TRAF4: variants seen among roughly 807,000 people sequenced by gnomAD.
TRAF4 encodes the protein TNF receptor associated factor 4.
In TRAF4, 9 loss-of-function variants were observed where a neutral mutation model predicts 47.3. That is an observed-to-expected ratio of 0.19 (90% CI 0.11 to 0.33). The LOEUF is 0.33. Among genes scored for constraint, TRAF4 ranks in the 10% least tolerant of loss-of-function variants. TRAF4 has a pLI of 1.00. For synonymous variants in TRAF4, 236 were observed against 236.9 expected (o/e 1.00, Z 0.04); for missense variants, 448 against 620.3 (o/e 0.72, Z 2.95).
Position 28,748,488 on chromosome 17 carries a change from CCTCT to C in TRAF4, c.625-20_625-17del. Reference sequence around the variant, plus strand: ...CAGGTAGTCAGGATATTGACTCCTGCCTCTCTACTTCTGTGGCCCCAGAGCCACC... The same window carrying C: ...CAGGTAGTCAGGATATTGACTCCTGCCTACTTCTGTGGCCCCAGAGCCACC... On this transcript the variant is annotated intron_variant, in intron 5 of 6. Coordinates refer to ENST00000262395, the MANE Select transcript of TRAF4 (RefSeq NM_004295.4). 3 of 1,610,554 alleles carry C rather than the reference CCTCT, an allele frequency of 1.9e-6. No homozygotes were observed. The highest frequency in any genetic ancestry group is 1.1e-5 in the South Asian group (1 of 90,862).
At chr17:28,744,340 G>A (rs1052079966) in intron 1 of TRAF4, 85 bp downstream of exon 1, 3 of 1,446,874 alleles carry the variant, frequency 2.1e-6, no homozygotes, top group African/African-American at 1.5e-5. Context: ...GGGGCAAGGC[G>A]GGCCTTTGTC....
chr17:28,744,778 A>G (rs2151736254), intron 1 of TRAF4: 1 of 156,726 alleles, frequency 6.4e-6, no homozygotes, highest in East Asian at 1.9e-4. Context: ...CTAGGATTTA[A>G]ACCCGGACTG....
rs768751050 is a variant in TRAF4 at position 28,748,019 on chromosome 17, C to A, written c.303C>A (p.Gly101=). 1 of 1,614,176 alleles carries A rather than the reference C, an allele frequency of 6.2e-7. No individual in the cohort carries two copies. The highest frequency in any genetic ancestry group is 1.1e-5 in the South Asian group (1 of 91,090). Residue 101 remains glycine (G), a splice_region_variant and synonymous_variant, in exon 4 of 7, where the codon GGC becomes GGA. Transcript: ENST00000262395. ...ACTAATTGCAGCCTTCCCACCAGGG[C>A]CACCTGAATACCTGCAGCTTCAATG... ...RWSGPLRHLQ[G]HLNTCSFNVI... is the part of the protein sequence containing the mutation.
At position 28,748,397 on chromosome 17, in the gene TRAF4, A is replaced by G. The variant is rs1455456106; in HGVS notation, c.598A>G (p.Lys200Glu). ...KRTQPCTYCT[K>E]EFVFDTIQSH... ...CACTCAGCCCTGCACCTACTGCACT[A>G]AGGAGTTCGTCTTTGACACCATCCA... The change falls in exon 5 of 7, where the codon AAG becomes GAG. Residue 200 changes from lysine (K) to glutamate (E), a missense_variant. Transcript: ENST00000262395. 1 of 1,609,118 alleles carries G rather than the reference A, an allele frequency of 6.2e-7. No homozygotes were observed. Among genetic ancestry groups the G allele is most frequent in the African/African-American group, 1.3e-5 (1 of 74,816 alleles).
rs1298392819 is a variant in TRAF4 at position 28,748,080 on chromosome 17, A to G, written c.364A>G (p.Ser122Gly). 6.2e-7 allele frequency: 1 copy of G among 1,613,974 alleles called. No homozygotes were observed. Among genetic ancestry groups the G allele is most frequent in the South Asian group, 1.1e-5 (1 of 91,086 alleles). Residue 122 changes from serine to glycine, a missense_variant, in exon 4 of 7, where the codon AGC becomes GGC. Transcript: ENST00000262395. ...CCCTAATCGCTGCCCCATGAAGCTG[A>G]GCCGCCGTGATCTACCTGCACACTT... ...PCPNRCPMKL[S>G]RRDLPAHLQH...
At position 28,749,816 on chromosome 17, in the gene TRAF4, T is replaced by C; in HGVS notation, c.*239T>C. 1.4e-6 allele frequency: 1 copy of C among 738,012 alleles called. No individual in the cohort carries two copies. The highest frequency in any genetic ancestry group is 2.0e-5 in the Admixed American group (1 of 50,040). 45.7% of individuals were successfully genotyped at this position (738,012 alleles called of 1,614,324 possible). On this transcript the variant is annotated 3_prime_UTR_variant, in exon 7 of 7. Transcript: ENST00000262395. The stretch of plus-strand genomic sequence containing the variant: ...TGGAAACAAGTGACCCCAGGGCCTG[T>C]CTCCCTTCTTGGGTAGGGCAGACAT...
chr17:28,744,106 G>C lies in TRAF4; in HGVS notation c.-7G>C, dbSNP rs769118044. On this transcript the variant is annotated 5_prime_UTR_variant, in exon 1 of 7. Coordinates refer to ENST00000262395, the MANE Select transcript of TRAF4 (RefSeq NM_004295.4). ...CCCCGCTCGCCCGTGCCGGCCGCTC[G>C]CCCGCCATGCCTGGCTTCGACTACA... 7 of 1,548,152 alleles carry C rather than the reference G, an allele frequency of 4.5e-6. No homozygotes were observed. In the South Asian group the frequency reaches 5.8e-5, roughly 13 times the overall value.
At chr17:28,745,000 C>T (rs1879764633) in intron 1 of TRAF4, 1 of 152,328 alleles carries the variant, frequency 6.6e-6, no homozygotes, top group Non-Finnish European at 1.5e-5. Context: ...TTCTGGGCGC[C>T]CTGTATGTCT....
Position 28,744,014 on chromosome 17 carries a change from C to CGGCGCCGCCCGGAGCCGGG in TRAF4, c.-98_-80dup. The CGGCGCCGCCCGGAGCCGGG allele has an allele frequency of 3.0e-6, 3 of 1,010,852 alleles. No individual in the cohort carries two copies. The highest frequency in any genetic ancestry group is 3.5e-6 in the Non-Finnish European group (3 of 848,212). 62.6% of individuals were successfully genotyped at this position (1,010,852 alleles called of 1,614,324 possible). ...CCGAGCCCTGGCCGCGACCGCCAGT[C>CGGCGCCGCCCGGAGCCGGG]GGCGCCGCCCGGAGCCGGGAGCGCC... On this transcript the variant is annotated 5_prime_UTR_variant, in exon 1 of 7. Coordinates refer to ENST00000262395, the MANE Select transcript of TRAF4 (RefSeq NM_004295.4).
rs192285924 is a variant in TRAF4 at position 28,747,716 on chromosome 17, G to A, written c.196-127G>A. On this transcript the variant is annotated intron_variant, in intron 2 of 6. Transcript: ENST00000262395. ...GTGCCCTTCATCCCTGGACTCAAGA[G>A]GGGCAAAGAGCCCAAGAGAGGCTAT... 84 of 847,086 alleles carry A rather than the reference G, an allele frequency of 9.9e-5. 1 individual carries two copies. Among genetic ancestry groups the A allele is most frequent in the South Asian group, 9.9e-4 (60 of 60,542 alleles). 52.5% of individuals were successfully genotyped at this position (847,086 alleles called of 1,614,324 possible). A position where few individuals can be genotyped will look rare whatever the true frequency, so the allele number is the denominator to read the frequency against.
At chr17:28,747,426 A>C in intron 2 of TRAF4, 162 bp downstream of exon 2, 1 of 829,258 alleles carries the variant, frequency 1.2e-6, no homozygotes, top group Non-Finnish European at 1.8e-6. Flanking sequence ...CAGTTTGCAA[A>C]CGAGGCCCCT....
intron 2 of TRAF4, 69 bp downstream of exon 2, chr17:28,747,333 G>A: frequency 1.3e-6 from 2 of 1,570,496 alleles, no homozygotes; most frequent in African/African-American, 1.4e-5. Context: ...GCTGCTGGCA[G>A]CCAGTGGGCT....
rs2034469773 is a variant in TRAF4, at chr17:28,744,180, A to G, written c.68A>G (p.Lys23Arg). 6.3e-7 allele frequency: 1 copy of G among 1,593,214 alleles called. No individual in the cohort carries two copies. Reference protein sequence around the residue: ...KRRLLCPLCGKPMREPVQVST... With the variant: ...KRRLLCPLCGRPMREPVQVST... ...CGGCTGCTGTGCCCACTGTGCGGGA[A>G]GCCCATGCGCGAGCCTGTGCAGGTT... The change falls in exon 1 of 7, where the codon AAG (lysine) becomes AGG (arginine). Residue 23 changes from lysine (K) to arginine (R), a missense_variant. Coordinates refer to ENST00000262395, the MANE Select transcript of TRAF4 (RefSeq NM_004295.4).
chr17:28,745,985 G>A (rs780589300), intron 1 of TRAF4, among the ~76,000 whole-genome samples: 9 of 152,270 alleles, frequency 5.9e-5, no homozygotes, highest in Non-Finnish European at 1.3e-4. Context: ...GGCCCAGGAA[G>A]GCTGGTTGCC....
chr17:28,746,497 C>CTGGA (rs2034514986), intron 1 of TRAF4, among the ~76,000 whole-genome samples: 2 of 152,212 alleles, frequency 1.3e-5, no homozygotes, highest in African/African-American at 4.8e-5. Context: ...TTTTTCCTTG[C>CTGGA]CCCAGCTTCT....
In TRAF4 at chr17:28,744,056, G is replaced by A. The variant is rs2034465798; in HGVS notation, c.-57G>A. On this transcript the variant is annotated 5_prime_UTR_variant, in exon 1 of 7. Coordinates refer to ENST00000262395, the MANE Select transcript of TRAF4 (RefSeq NM_004295.4). ...GGGAGCGCCGCTCCAGCGAGGCGCG[G>A]GCTGTGGGGCCGCCGCGTGCCTGGC... 8.2e-7 allele frequency: 1 copy of A among 1,221,550 alleles called. No individual in the cohort carries two copies. 75.7% of individuals were successfully genotyped at this position (1,221,550 alleles called of 1,614,324 possible). A position where few individuals can be genotyped will look rare whatever the true frequency, so the allele number is the denominator to read the frequency against.
intron 1 of TRAF4, 55 bp from the exon 2 acceptor site, chr17:28,747,158 C>T (rs2034525442): frequency 6.3e-7 from 1 of 1,585,588 alleles, no homozygotes; most frequent in Non-Finnish European, 8.6e-7. Context: ...GGGGTGGGGC[C>T]AGGCCTCCCT....
chr17:28,747,805 G>A, intron 2 of TRAF4, 38 bp from the exon 3 acceptor site: 1 of 1,592,310 alleles, frequency 6.3e-7, no homozygotes. Flanking sequence ...ACTGCAGTCA[G>A]CTCTGACCCT....
Position 28,749,929 on chromosome 17 carries a change from G to C in TRAF4, c.*352G>C. 1 of 697,930 alleles carries C rather than the reference G, an allele frequency of 1.4e-6. No homozygotes were observed. The allele number at this position is 697,930 out of a possible 1,614,324, so 43.2% of individuals were successfully genotyped here. ...GCCATAAGGGGGTGGGAATTGGGGA[G>C]GGAGAAAGGGTAGTTCAAAGAGTCT... On this transcript the variant is annotated 3_prime_UTR_variant, in exon 7 of 7. Transcript: ENST00000262395.
Sources: gnomAD v4.1 joint callset for allele counts (sites outside exome capture counted in the v4.1 genomes callset) on GRCh38, gnomAD v4.1.1 for gene constraint, MANE v1.5 for transcripts, NCBI Gene and HGNC (gene_info 2026-07-23, HGNC 2026-07-21) for gene names.